The following SHROOM2 variants were observed in gnomAD, a reference collection of about 807,000 sequenced individuals.
SHROOM2 encodes the protein protein Shroom2.
In SHROOM2, 33 loss-of-function variants were observed where a neutral mutation model predicts 75.9. The ratio of observed to expected loss-of-function variants is 0.43; its 90% CI spans 0.33 to 0.58. The LOEUF (loss-of-function observed/expected upper bound fraction) is 0.58, where lower values mean the gene tolerates loss of function less well. Among genes scored for constraint, SHROOM2 ranks in the 20% least tolerant of loss-of-function variants. SHROOM2 has a pLI of 0.04. For synonymous variants in SHROOM2, 655 were observed against 663.6 expected (o/e 0.99, Z 0.20); for missense variants, 1,434 against 1,461.2 (o/e 0.98, Z 0.30).
At position 9,949,241 on chromosome X, in the gene SHROOM2, G is replaced by A; in HGVS notation, c.*2304G>A. ...CAATCTGGTGCTAATGGTTGGCCCTGGTGTTGTTGGGTGGCAGCTGCTCCT... is the reference window on the plus strand; with the variant it reads ...CAATCTGGTGCTAATGGTTGGCCCTAGTGTTGTTGGGTGGCAGCTGCTCCT... On this transcript the variant is annotated 3_prime_UTR_variant, in exon 10 of 10. Transcript: ENST00000380913. The A allele has an allele frequency of 6.6e-6, 2 of 304,990 alleles. No homozygotes were observed. The highest frequency in any genetic ancestry group is 1.3e-5 in the Non-Finnish European group (2 of 157,559). The allele number at this position is 304,990 out of a possible 1,213,427, so 25.1% of individuals were successfully genotyped here.
intron 6 of SHROOM2, among the ~76,000 whole-genome samples, chrX:9,936,650 C>T (rs2239426): frequency 0.13 from 14,124 of 110,544 alleles, 1,839 homozygotes; most frequent in African/African-American, 0.38. Context: ...ACGGCCACTC[C>T]GGAGAGGAGC....
intron 1 of SHROOM2, among the ~76,000 whole-genome samples, chrX:9,802,927 T>C (rs1193044300): frequency 1.0e-5 from 1 of 96,975 alleles, no homozygotes; most frequent in Non-Finnish European, 2.0e-5. Flanking sequence ...GCAGATTTCT[T>C]TTTTTTTTTT....
intron 1 of SHROOM2, among the ~76,000 whole-genome samples, chrX:9,869,927 A>C (rs915601329): frequency 2.7e-5 from 3 of 112,085 alleles, no homozygotes; most frequent in African/African-American, 9.7e-5. Context: ...TGATAGAATT[A>C]TACTTTGTAA....
intron 5 of SHROOM2, among the ~76,000 whole-genome samples, chrX:9,922,506 A>C (rs1487011095): frequency 9.2e-6 from 1 of 108,941 alleles, no homozygotes; most frequent in East Asian, 2.9e-4. Context: ...CTTCATGTAA[A>C]CTGGACCCTA....
intron 1 of SHROOM2, among the ~76,000 whole-genome samples, chrX:9,856,325 G>T (rs764837031): frequency 9.0e-6 from 1 of 110,974 alleles, no homozygotes. Context: ...CCCATTTTTC[G>T]GGCAGATGCA....
At chrX:9,894,095 C>T (rs1336749191) in intron 3 of SHROOM2, among the ~76,000 whole-genome samples, 1 of 88,829 alleles carries the variant, frequency 1.1e-5, no homozygotes, top group Non-Finnish European at 2.2e-5. Flanking sequence ...TGAGAATGTG[C>T]GCTAGGGTTG....
intron 1 of SHROOM2, among the ~76,000 whole-genome samples, chrX:9,862,713 G>A (rs949141021): frequency 1.8e-5 from 2 of 112,351 alleles, no homozygotes; most frequent in Non-Finnish European, 3.8e-5. Flanking sequence ...GCCCTCTGCT[G>A]ATGGTGCTCA....
At chrX:9,875,511 A>T in intron 2 of SHROOM2, among the ~76,000 whole-genome samples, 1 of 111,784 alleles carries the variant, frequency 8.9e-6, no homozygotes, top group Non-Finnish European at 1.9e-5. Context: ...CTGGGCTCCC[A>T]GAGACCCCAA....
chrX:9,878,970 C>A (rs1226919956), intron 2 of SHROOM2, among the ~76,000 whole-genome samples: 1 of 111,590 alleles, frequency 9.0e-6, no homozygotes, highest in East Asian at 2.8e-4. Flanking sequence ...CAAAGGAGAC[C>A]CTGACTGGTT....
chrX:9,848,853 C>T (rs1307384385), intron 1 of SHROOM2, among the ~76,000 whole-genome samples: 1 of 111,394 alleles, frequency 9.0e-6, no homozygotes, highest in Non-Finnish European at 1.9e-5. Flanking sequence ...TGCGTGAGTG[C>T]AGCGCTCCGT....
intron 1 of SHROOM2, among the ~76,000 whole-genome samples, chrX:9,799,157 CTTTTTTTT>C (rs58508176): frequency 2.0e-4 from 12 of 61,382 alleles, no homozygotes; most frequent in East Asian, 7.5e-4. Context: ...GAGTTTAATT[CTTTTTTTT>C]TTTTTTTTTT....
intron 5 of SHROOM2, among the ~76,000 whole-genome samples, chrX:9,926,602 A>G (rs1203050493): frequency 9.0e-6 from 1 of 111,661 alleles, no homozygotes; most frequent in African/African-American, 3.3e-5. Flanking sequence ...TAGGAAAATT[A>G]TTGCTTGTTG....
chrX:9,911,541 G>C (rs774215635), intron 5 of SHROOM2, among the ~76,000 whole-genome samples: 2,390 of 111,432 alleles, frequency 0.021, 75 homozygotes, highest in African/African-American at 0.074. Flanking sequence ...GTGGGATAGG[G>C]CTGTGAGGCG....
intron 5 of SHROOM2, among the ~76,000 whole-genome samples, chrX:9,900,760 G>A (rs1020048627): frequency 9.0e-5 from 10 of 110,972 alleles, no homozygotes; most frequent in African/African-American, 3.3e-4. Flanking sequence ...TGGCGTTTGA[G>A]CTAAAATAGA....
chrX:9,934,147 C>G (rs1712257984), intron 6 of SHROOM2, among the ~76,000 whole-genome samples: 1 of 111,687 alleles, frequency 9.0e-6, no homozygotes, highest in Non-Finnish European at 1.9e-5. Flanking sequence ...GACCCACCAT[C>G]ACCTGTGCTG....
At chrX:9,933,580 C>T (rs868170511) in intron 6 of SHROOM2, among the ~76,000 whole-genome samples, 2 of 110,662 alleles carry the variant, frequency 1.8e-5, no homozygotes, top group Non-Finnish European at 3.8e-5. Context: ...GAGGCTAGCC[C>T]AGGCAACATG....
intron 1 of SHROOM2, among the ~76,000 whole-genome samples, chrX:9,809,351 T>C (rs1012918210): frequency 9.0e-6 from 1 of 111,021 alleles, no homozygotes; most frequent in Non-Finnish European, 1.9e-5. Flanking sequence ...TTAGATTAGA[T>C]GGTGCCCACC....
At chrX:9,819,449 G>T in intron 1 of SHROOM2, 1 of 333,556 alleles carries the variant, frequency 3.0e-6, no homozygotes, top group Non-Finnish European at 5.5e-6. Flanking sequence ...CTGATATGCT[G>T]GGGTTGACGT....
At chrX:9,901,628 T>C (rs1304479547) in intron 5 of SHROOM2, among the ~76,000 whole-genome samples, 1 of 112,140 alleles carries the variant, frequency 8.9e-6, no homozygotes, top group Non-Finnish European at 1.9e-5. Context: ...CTGACAGCTC[T>C]GCACACCTTC....
Sources: gnomAD v4.1 joint callset for allele counts (sites outside exome capture counted in the v4.1 genomes callset) on GRCh38, gnomAD v4.1.1 for gene constraint, MANE v1.5 for transcripts, NCBI Gene and HGNC (gene_info 2026-07-23, HGNC 2026-07-21) for gene names.